The following ASCC3 variants were observed in gnomAD, a reference collection of about 807,000 sequenced individuals.
The protein encoded by ASCC3 is ASC-1 complex subunit P200.
ASCC3 carries 158 observed loss-of-function variants against 256.3 expected under a neutral mutation model. The ratio of observed to expected loss-of-function variants is 0.62; its 90% CI spans 0.54 to 0.70. The LOEUF is 0.70. Ranked by LOEUF, ASCC3 falls within the 30% of genes least tolerant of loss-of-function variation. The pLI, the probability that ASCC3 is intolerant of heterozygous loss-of-function variation, is 0.00. For synonymous variants in ASCC3, 948 were observed against 883.4 expected (o/e 1.07, Z -1.30); for missense variants, 2,259 against 2,626.0 (o/e 0.86, Z 3.05).
chr6:100,783,324 A>T (rs890942667), intron 8 of ASCC3, among the ~76,000 whole-genome samples: 2 of 152,220 alleles, frequency 1.3e-5, no homozygotes, highest in Admixed American at 1.3e-4. Flanking sequence ...AGAAGAAAAC[A>T]GCAAGTGTTC....
At chr6:100,878,963 C>T (rs1769144327) in intron 1 of ASCC3, among the ~76,000 whole-genome samples, 1 of 152,212 alleles carries the variant, frequency 6.6e-6, no homozygotes, top group East Asian at 1.9e-4. Context: ...CTGCCCACCA[C>T]TTCTGATGCC....
chr6:100,547,328 T>C (rs1282277703), intron 36 of ASCC3, among the ~76,000 whole-genome samples: 2 of 151,972 alleles, frequency 1.3e-5, no homozygotes, highest in African/African-American at 4.8e-5. Context: ...ATTTATTTGA[T>C]GGGACAGTTA....
At chr6:100,645,536 T>A (rs1264985155) in intron 22 of ASCC3, among the ~76,000 whole-genome samples, 2 of 152,096 alleles carry the variant, frequency 1.3e-5, no homozygotes. Context: ...ACTTATTTAA[T>A]TAGAACTTTA....
chr6:100,699,191 C>T (rs992140367), intron 13 of ASCC3, among the ~76,000 whole-genome samples: 3 of 152,154 alleles, frequency 2.0e-5, no homozygotes, highest in Non-Finnish European at 2.9e-5. Context: ...CATCTTGAAT[C>T]GTAATGTAAC....
At chr6:100,766,771 CCAATA>C (rs1356915761) in intron 9 of ASCC3, 66 bp from the exon 10 acceptor site, 81 of 1,571,004 alleles carry the variant, frequency 5.2e-5, no homozygotes, top group Non-Finnish European at 6.8e-5. Context: ...CTTACAGTAG[CCAATA>C]CAAGTCACAA....
At chr6:100,543,348 T>C (rs1001804728) in intron 36 of ASCC3, among the ~76,000 whole-genome samples, 2 of 152,110 alleles carry the variant, frequency 1.3e-5, no homozygotes, top group Non-Finnish European at 2.9e-5. Context: ...GATCTGCAAT[T>C]GATTAATCTA....
At chr6:100,634,156 C>T (rs1774705960) in intron 25 of ASCC3, among the ~76,000 whole-genome samples, 2 of 152,030 alleles carry the variant, frequency 1.3e-5, no homozygotes, top group Admixed American at 6.6e-5. Context: ...TTATGGGATA[C>T]ATAGTGATGT....
intron 1 of ASCC3, among the ~76,000 whole-genome samples, chr6:100,872,205 G>A (rs916972859): frequency 6.6e-6 from 1 of 152,038 alleles, no homozygotes; most frequent in African/African-American, 2.4e-5. Context: ...AAATTAATGG[G>A]GTACTTGGGA....
At chr6:100,878,692 A>T (rs1429501298) in intron 1 of ASCC3, among the ~76,000 whole-genome samples, 1 of 152,214 alleles carries the variant, frequency 6.6e-6, no homozygotes, top group East Asian at 1.9e-4. Flanking sequence ...CTAATCCATG[A>T]GCCTCTGGGA....
At chr6:100,598,227 T>A (rs1223065942) in intron 34 of ASCC3, among the ~76,000 whole-genome samples, 1 of 152,088 alleles carries the variant, frequency 6.6e-6, no homozygotes, top group East Asian at 1.9e-4. Context: ...ACCCTCTTTT[T>A]GGGGTAGCAA....
chr6:100,526,405 A>G (rs1319326969), intron 37 of ASCC3, among the ~76,000 whole-genome samples: 1 of 152,184 alleles, frequency 6.6e-6, no homozygotes, highest in African/African-American at 2.4e-5. Context: ...AGGATCCTTC[A>G]TAATAGCATC....
In ASCC3 at chr6:100,866,120, C is replaced by T. The variant is rs1457557817; in HGVS notation, c.90+1788G>A. Among the ~76,000 whole-genome samples the T allele has an allele frequency of 5.9e-5, 9 of 152,162 alleles. No individual in the cohort carries two copies. The East Asian group carries it at 1.7e-3, about 29-fold the overall frequency. On this transcript the variant is annotated intron_variant, in intron 2 of 41. Transcript: ENST00000369162. Reference sequence around the variant, plus strand: ...GAGTAGCTGGGATTACAGGCGCCCACCACCATGCGTGGCTGATTTTTGTAC... The same window carrying T: ...GAGTAGCTGGGATTACAGGCGCCCATCACCATGCGTGGCTGATTTTTGTAC...
intron 6 of ASCC3, 58 bp downstream of exon 6, chr6:100,800,242 T>A (rs111892437): frequency 1.3e-6 from 2 of 1,545,354 alleles, no homozygotes; most frequent in African/African-American, 1.4e-5. Flanking sequence ...AAAGTGATAA[T>A]GATATGTAAA....
At chr6:100,579,391 G>A (rs1032781458) in intron 36 of ASCC3, among the ~76,000 whole-genome samples, 5 of 151,784 alleles carry the variant, frequency 3.3e-5, no homozygotes, top group Admixed American at 6.6e-5. Flanking sequence ...AACTGCTTTC[G>A]GCATCTTTTT....
chr6:100,880,872 C>T (rs893006784), intron 1 of ASCC3, among the ~76,000 whole-genome samples, 189 bp downstream of exon 1: 2 of 152,174 alleles, frequency 1.3e-5, no homozygotes, highest in Non-Finnish European at 2.9e-5. Context: ...TAGGAATGGG[C>T]GGTATTGTTG....
intron 4 of ASCC3, among the ~76,000 whole-genome samples, chr6:100,845,330 C>T (rs1772333758): frequency 6.6e-6 from 1 of 152,022 alleles, no homozygotes; most frequent in Non-Finnish European, 1.5e-5. Context: ...GCAAAGCAGA[C>T]CAGGAAAGTT....
intron 37 of ASCC3, among the ~76,000 whole-genome samples, chr6:100,523,492 G>A (rs1020463096): frequency 1.3e-5 from 2 of 152,062 alleles, no homozygotes; most frequent in East Asian, 1.9e-4. Context: ...AGAGTATGTG[G>A]GCAAGAACTC....
intron 5 of ASCC3, among the ~76,000 whole-genome samples, chr6:100,801,488 ATTCT>A (rs1769913269): frequency 6.6e-6 from 1 of 152,126 alleles, no homozygotes; most frequent in Non-Finnish European, 1.5e-5. Flanking sequence ...TTTCTAATTC[ATTCT>A]AAGTCAAATC....
At chr6:100,844,439 C>A (rs1772296122) in intron 4 of ASCC3, among the ~76,000 whole-genome samples, 1 of 151,722 alleles carries the variant, frequency 6.6e-6, no homozygotes, top group Admixed American at 6.6e-5. Context: ...GTTGAAAGTC[C>A]ATTAGTTATA....
Sources: allele counts gnomAD v4.1 joint callset (sites outside exome capture counted in the v4.1 genomes callset), GRCh38; gene constraint gnomAD v4.1.1; transcripts MANE v1.5; gene names NCBI Gene and HGNC (gene_info 2026-07-23, HGNC 2026-07-21).